Variants in THSD7B observed in about 807,000 individuals in gnomAD.
The protein encoded by THSD7B is thrombospondin type 1 domain containing 7B, also known as thrombospondin type-1 domain-containing protein 7B.
In THSD7B, 138 loss-of-function variants were observed where a neutral mutation model predicts 213.6. The observed-to-expected ratio is 0.65, with a 90% CI of 0.56 to 0.74. THSD7B has a LOEUF of 0.74. Ranked by LOEUF, THSD7B falls within the 30% of genes least tolerant of loss-of-function variation. The probability of loss-of-function intolerance (pLI) is 0.00; values close to 1 mark genes in which losing one functional copy is unlikely to be tolerated. For missense variants in THSD7B, 1,931 were observed against 1,991.5 expected (o/e 0.97, Z 0.58); for synonymous variants, 742 against 687.0 (o/e 1.08, Z -1.25).
chr2:137,222,435 C>G (rs958887648), intron 7 of THSD7B, among the ~76,000 whole-genome samples: 4 of 152,152 alleles, frequency 2.6e-5, no homozygotes, highest in African/African-American at 7.2e-5. Flanking sequence ...GTCACATATT[C>G]ATTTTATTAT....
At chr2:137,460,159 G>C (rs1687856456) in intron 15 of THSD7B, among the ~76,000 whole-genome samples, 1 of 152,156 alleles carries the variant, frequency 6.6e-6, no homozygotes, top group Non-Finnish European at 1.5e-5. Context: ...GTAATAGCTT[G>C]TCCAGTGTCA....
At chr2:136,808,105 A>G (rs534412623) in intron 1 of THSD7B, among the ~76,000 whole-genome samples, 6 of 152,288 alleles carry the variant, frequency 3.9e-5, no homozygotes, top group African/African-American at 1.4e-4. Context: ...TCCCACTCCA[A>G]TAGTGAGAAG....
At chr2:137,573,361 A>G (rs747666256) in intron 17 of THSD7B, among the ~76,000 whole-genome samples, 33 of 152,250 alleles carry the variant, frequency 2.2e-4, no homozygotes, top group Non-Finnish European at 4.6e-4. Context: ...AAATCTCTGT[A>G]TGGAAATGGA....
chr2:137,492,264 G>C (rs1407413006), intron 15 of THSD7B, among the ~76,000 whole-genome samples: 1 of 152,070 alleles, frequency 6.6e-6, no homozygotes, highest in African/African-American at 2.4e-5. Context: ...TTTAAGTTTT[G>C]AGACTCCTTT....
chr2:137,070,669 G>A (rs992681109), intron 3 of THSD7B, among the ~76,000 whole-genome samples: 27 of 151,608 alleles, frequency 1.8e-4, no homozygotes, highest in Middle Eastern at 3.4e-3. Context: ...CCATTAACTC[G>A]TCATTTAGCA....
chr2:137,591,326 G>C (rs1681860433), intron 17 of THSD7B, among the ~76,000 whole-genome samples: 1 of 151,634 alleles, frequency 6.6e-6, no homozygotes, highest in South Asian at 2.1e-4. Flanking sequence ...GTAGAATTTG[G>C]GCAGAGTGGA....
rs374763468 is a variant in THSD7B, at chr2:137,618,449, G to A, written c.3623G>A (p.Arg1208His). 2.2e-5 allele frequency: 36 copies of A among 1,613,754 alleles called. No individual in the cohort carries two copies. Among genetic ancestry groups the A allele is most frequent in the African/African-American group, 5.3e-5 (4 of 74,928 alleles). Residue 1208 changes from arginine to histidine, a missense_variant, in exon 19 of 28, where the codon CGC becomes CAC. Arg to His is a conservative substitution (Grantham distance 29). Coordinates refer to ENST00000409968, the MANE Select transcript of THSD7B (RefSeq NM_001316349.2). ...CCCTGTGGTCAAGGCGTCAGGACCC[G>A]CCTGCTAAGCTGTGTGTGCAGTGAT... The part of the protein sequence containing the change: ...NAPCGQGVRT[R>H]LLSCVCSDGK...
intron 7 of THSD7B, among the ~76,000 whole-genome samples, chr2:137,175,959 T>TTG (rs1680350386): frequency 6.6e-6 from 1 of 152,190 alleles, no homozygotes; most frequent in African/African-American, 2.4e-5. Flanking sequence ...AGAACTCCTT[T>TTG]TGTGTTGTCT....
intron 16 of THSD7B, 46 bp downstream of exon 16, chr2:137,563,400 T>C (rs1444181080): frequency 6.2e-7 from 1 of 1,601,626 alleles, no homozygotes; most frequent in Non-Finnish European, 8.5e-7. Flanking sequence ...AAGTGGAACT[T>C]ATACATTTTT....
At chr2:136,795,071 G>A (rs1430739612) in intron 1 of THSD7B, among the ~76,000 whole-genome samples, 1 of 151,830 alleles carries the variant, frequency 6.6e-6, no homozygotes, top group Non-Finnish European at 1.5e-5. Context: ...TTCTCTTACA[G>A]CCAACTGTAT....
chr2:136,890,395 C>CTTCTTCTTCTTCT (rs1558840037), intron 2 of THSD7B, among the ~76,000 whole-genome samples: 1 of 526 alleles, frequency 1.9e-3, no homozygotes, highest in African/African-American at 3.8e-3. Context: ...CTTCCTCTTC[C>CTTCTTCTTCTTCT]TCTTCCTCTT....
rs377021695 is a variant in THSD7B, at chr2:137,115,330, G to A, written c.1369+37G>A. 4.8e-5 allele frequency: 70 copies of A among 1,461,788 alleles called. No homozygotes were observed. In the African/African-American group the frequency reaches 9.7e-4, roughly 20 times the overall value. The allele number at this position is 1,461,788 out of a possible 1,614,324, so 90.6% of individuals were successfully genotyped here. On this transcript the variant is annotated intron_variant, in intron 5 of 27. Coordinates refer to ENST00000409968, the MANE Select transcript of THSD7B (RefSeq NM_001316349.2). ...GTTCCGGGACAGATGGTGCACTGCTGGTTGGAAGGAAAATCTCTCCAACTC... is the reference window on the plus strand; with the variant it reads ...GTTCCGGGACAGATGGTGCACTGCTAGTTGGAAGGAAAATCTCTCCAACTC...
chr2:137,040,262 G>A (rs1686855220), intron 2 of THSD7B, among the ~76,000 whole-genome samples: 1 of 152,070 alleles, frequency 6.6e-6, no homozygotes, highest in Non-Finnish European at 1.5e-5. Context: ...GGTGTGGGAT[G>A]GCCACCTCTC....
intron 12 of THSD7B, among the ~76,000 whole-genome samples, chr2:137,286,155 A>G (rs1314809807): frequency 6.6e-6 from 1 of 152,000 alleles, no homozygotes; most frequent in Non-Finnish European, 1.5e-5. Context: ...CATAAAGTAT[A>G]TATTTATATA....
At chr2:137,543,171 A>T (rs1680639691) in intron 15 of THSD7B, among the ~76,000 whole-genome samples, 1 of 151,752 alleles carries the variant, frequency 6.6e-6, no homozygotes, top group Non-Finnish European at 1.5e-5. Flanking sequence ...CCTTTCTATG[A>T]TCCTCTTATA....
At chr2:137,129,805 T>C (rs1017540799) in intron 5 of THSD7B, among the ~76,000 whole-genome samples, 1 of 152,188 alleles carries the variant, frequency 6.6e-6, no homozygotes, top group Non-Finnish European at 1.5e-5. Context: ...TTATAAGTAT[T>C]TGTTACCTAC....
chr2:137,370,687 T>G (rs145960827), intron 12 of THSD7B, among the ~76,000 whole-genome samples: 194 of 152,216 alleles, frequency 1.3e-3, no homozygotes, highest in African/African-American at 4.5e-3. Flanking sequence ...CAGGCTGGTC[T>G]TGAACTCCTG....
chr2:137,152,799 C>T (rs1030992860), intron 5 of THSD7B, among the ~76,000 whole-genome samples: 8 of 152,208 alleles, frequency 5.3e-5, no homozygotes, highest in Non-Finnish European at 1.0e-4. Flanking sequence ...GAAAGCTCCC[C>T]TTCCCTCACA....
intron 7 of THSD7B, among the ~76,000 whole-genome samples, chr2:137,209,165 G>A (rs1186692848): frequency 6.6e-6 from 1 of 152,044 alleles, no homozygotes; most frequent in Admixed American, 6.6e-5. Context: ...AGTCTACTAT[G>A]TCAGATTTAT....
Sources: allele counts gnomAD v4.1 joint callset (sites outside exome capture counted in the v4.1 genomes callset), GRCh38; gene constraint gnomAD v4.1.1; transcripts MANE v1.5; gene names NCBI Gene and HGNC (gene_info 2026-07-23, HGNC 2026-07-21).